Variants in DAB1 observed in about 807,000 individuals in gnomAD.
DAB1 encodes disabled homolog 1.
In DAB1, 15 loss-of-function variants were observed where a neutral mutation model predicts 64.6. The observed-to-expected ratio is 0.23, with a 90% CI of 0.16 to 0.36. The LOEUF is 0.36. Ranked by LOEUF, DAB1 falls within the 10% of genes least tolerant of loss-of-function variation. The probability of loss-of-function intolerance (pLI) is 1.00; values close to 1 mark genes in which losing one functional copy is unlikely to be tolerated. For missense variants in DAB1, 596 were observed against 706.7 expected (o/e 0.84, Z 1.78); for synonymous variants, 235 against 251.9 (o/e 0.93, Z 0.64).
intron 1 of DAB1, among the ~76,000 whole-genome samples, chr1:57,372,804 T>C (rs891175492): frequency 2.0e-5 from 3 of 152,170 alleles, no homozygotes; most frequent in Non-Finnish European, 4.4e-5. Context: ...GCCTTTAAGA[T>C]GAATATATGA....
intron 3 of DAB1, among the ~76,000 whole-genome samples, chr1:58,349,672 T>C (rs976289553): frequency 5.3e-5 from 8 of 152,052 alleles, no homozygotes; most frequent in Non-Finnish European, 7.3e-5. Flanking sequence ...TGTGTTCTCA[T>C]TGCTCAACTC....
intron 2 of DAB1, among the ~76,000 whole-genome samples, chr1:57,246,555 G>A (rs1668893554): frequency 6.6e-6 from 1 of 152,238 alleles, no homozygotes; most frequent in African/African-American, 2.4e-5. Context: ...GGGAAAAAGT[G>A]GGGTTGGAGC....
At chr1:58,118,503 T>TATATATATATATATAC (rs1341446315) in intron 5 of DAB1, among the ~76,000 whole-genome samples, 30 of 53,098 alleles carry the variant, frequency 5.6e-4, no homozygotes, top group East Asian at 1.3e-3. Flanking sequence ...TATATATATA[T>TATATATATATATATAC]ACACACACAC....
At chr1:57,143,957 C>T (rs1342473987) in intron 3 of DAB1, among the ~76,000 whole-genome samples, 1 of 150,644 alleles carries the variant, frequency 6.6e-6, no homozygotes, top group East Asian at 2.0e-4. Flanking sequence ...TGTATATATG[C>T]TCATATATAT....
intron 3 of DAB1, among the ~76,000 whole-genome samples, chr1:58,403,532 T>C (rs1000862458): frequency 6.6e-6 from 1 of 152,208 alleles, no homozygotes; most frequent in African/African-American, 2.4e-5. Flanking sequence ...TCAACTGTTA[T>C]TTCAGAGCTT....
chr1:58,166,984 A>G (rs1012317134), intron 4 of DAB1, among the ~76,000 whole-genome samples: 2 of 151,544 alleles, frequency 1.3e-5, no homozygotes, highest in Non-Finnish European at 2.9e-5. Flanking sequence ...TGGCCTCAAG[A>G]AATCCACGCA....
intron 5 of DAB1, among the ~76,000 whole-genome samples, chr1:57,978,161 A>G (rs1645968692): frequency 6.6e-6 from 1 of 152,164 alleles, no homozygotes; most frequent in South Asian, 2.1e-4. Flanking sequence ...CCTGACTTCA[A>G]ACTACACTAC....
At chr1:58,241,958 C>T (rs1410361154) in intron 4 of DAB1, among the ~76,000 whole-genome samples, 1 of 152,084 alleles carries the variant, frequency 6.6e-6, no homozygotes, top group Non-Finnish European at 1.5e-5. Context: ...CTCAGAAATA[C>T]TACTTTTGGG....
chr1:57,936,136 G>C lies in DAB1; in HGVS notation n.388-51974C>G, dbSNP rs991535650. Among the ~76,000 whole-genome samples, 8 of 152,346 alleles carry C rather than the reference G, an allele frequency of 5.3e-5. 1 individual carries two copies. In the East Asian group the frequency reaches 1.5e-3, roughly 29 times the overall value. On this transcript the variant is annotated intron_variant and non_coding_transcript_variant, in intron 5 of 20. Coordinates refer to the DAB1 transcript ENST00000485760. ...AGCCTTACAGGCGGGTTATTCCAAGGAAGGCAGGAGCCCTTCAATAAATAA... is the reference window on the plus strand; with the variant it reads ...AGCCTTACAGGCGGGTTATTCCAAGCAAGGCAGGAGCCCTTCAATAAATAA...
intron 5 of DAB1, among the ~76,000 whole-genome samples, chr1:57,973,649 A>T (rs1338953481): frequency 6.6e-6 from 1 of 151,938 alleles, no homozygotes; most frequent in Non-Finnish European, 1.5e-5. Flanking sequence ...CTAGGGTGTT[A>T]CTCTTGTTTC....
chr1:57,454,966 G>T lies in DAB1; in HGVS notation n.626-163800C>A, dbSNP rs527553936. On this transcript the variant is annotated intron_variant and non_coding_transcript_variant, in intron 7 of 20. Coordinates refer to the DAB1 transcript ENST00000485760. The stretch of plus-strand genomic sequence containing the variant: ...TGTAAGTGCTTTAATAAAGATACAT[G>T]AAAAAAACAGTAATTGGTACAAAGG... Among the ~76,000 whole-genome samples, 15 of 152,118 alleles carry T rather than the reference G, an allele frequency of 9.9e-5. No individual in the cohort carries two copies. In the South Asian group the frequency reaches 3.1e-3, roughly 32 times the overall value.
intron 3 of DAB1, among the ~76,000 whole-genome samples, chr1:58,427,133 G>A (rs540009237): frequency 1.3e-5 from 2 of 152,212 alleles, no homozygotes; most frequent in African/African-American, 4.8e-5. Context: ...GGAAGGTACT[G>A]TGGATTGGAG....
At chr1:58,157,555 AC>A in intron 4 of DAB1, among the ~76,000 whole-genome samples, 1 of 152,254 alleles carries the variant, frequency 6.6e-6, no homozygotes, top group South Asian at 2.1e-4. Flanking sequence ...GGGAACAGGC[AC>A]CACGATGCCT....
At chr1:58,132,325 G>T (rs1331809294) in intron 5 of DAB1, among the ~76,000 whole-genome samples, 1 of 152,024 alleles carries the variant, frequency 6.6e-6, no homozygotes, top group Non-Finnish European at 1.5e-5. Context: ...GCTCGCGCAC[G>T]GTGCACGCAC....
intron 7 of DAB1, among the ~76,000 whole-genome samples, chr1:57,612,999 C>A (rs1570674245): frequency 6.6e-6 from 1 of 152,248 alleles, no homozygotes; most frequent in East Asian, 1.9e-4. Flanking sequence ...CACACCTATT[C>A]CCCTTCGTGC....
intron 7 of DAB1, among the ~76,000 whole-genome samples, chr1:57,569,444 G>A (rs1645166437): frequency 6.6e-6 from 1 of 152,184 alleles, no homozygotes. Context: ...GTAGGGACAT[G>A]GATGAAGCTG....
In DAB1 at chr1:57,655,940, T is replaced by C. The variant is rs146867889; in HGVS notation, n.552-6275A>G. Among the ~76,000 whole-genome samples, 82 of 152,310 alleles carry C rather than the reference T, an allele frequency of 5.4e-4. No homozygotes were observed. The East Asian group carries it at 0.015, about 28-fold the overall frequency. On this transcript the variant is annotated intron_variant and non_coding_transcript_variant, in intron 6 of 20. Coordinates refer to the DAB1 transcript ENST00000485760. ...GAAAGTCTGTTTTCAATGGTCTGAA[T>C]GTTTGTGACTCTCCACCCCTGCTAA... is the stretch of plus-strand genomic sequence containing the variant.
chr1:57,121,145 G>GAGA (rs1656609695), intron 4 of DAB1, among the ~76,000 whole-genome samples: 2 of 109,174 alleles, frequency 1.8e-5, no homozygotes, highest in Non-Finnish European at 3.9e-5. Context: ...GAAGAAGGAG[G>GAGA]AGGAGGAGGA....
intron 5 of DAB1, among the ~76,000 whole-genome samples, chr1:57,919,761 C>A (rs963608296): frequency 6.6e-6 from 1 of 152,090 alleles, no homozygotes; most frequent in East Asian, 1.9e-4. Flanking sequence ...AGTTTATGGA[C>A]AAAGCTAGGT....
Sources: gnomAD v4.1 joint callset for allele counts (sites outside exome capture counted in the v4.1 genomes callset) on GRCh38, gnomAD v4.1.1 for gene constraint, MANE v1.5 for transcripts, NCBI Gene and HGNC (gene_info 2026-07-23, HGNC 2026-07-21) for gene names.